CLSTN2: variants seen among roughly 807,000 people sequenced by gnomAD.
CLSTN2 encodes the protein calsyntenin-2.
A neutral mutation model predicts 101.2 loss-of-function variants in CLSTN2; 48 were observed. The observed-to-expected ratio is 0.47, with a 90% CI of 0.38 to 0.60. CLSTN2 has a LOEUF of 0.60. Among genes scored for constraint, CLSTN2 ranks in the 20% least tolerant of loss-of-function variants. The pLI, the probability that CLSTN2 is intolerant of heterozygous loss-of-function variation, is 0.00. For missense variants in CLSTN2, 1,160 were observed against 1,238.2 expected (o/e 0.94, Z 0.95); for synonymous variants, 481 against 463.6 (o/e 1.04, Z -0.48).
At chr3:140,144,345 C>T (rs985601725) in intron 1 of CLSTN2, among the ~76,000 whole-genome samples, 13 of 152,140 alleles carry the variant, frequency 8.5e-5, no homozygotes, top group African/African-American at 2.7e-4. Flanking sequence ...TGGTGGCTTA[C>T]ACCTGTAATC....
chr3:140,175,916 A>G, intron 1 of CLSTN2, 35 bp from the exon 2 acceptor site: 1 of 1,594,888 alleles, frequency 6.3e-7, no homozygotes, highest in Non-Finnish European at 8.6e-7. Context: ...TATTTAAATA[A>G]TGATCCTTTT....
At chr3:140,478,587 T>G (rs1934039223) in intron 8 of CLSTN2, among the ~76,000 whole-genome samples, 1 of 152,110 alleles carries the variant, frequency 6.6e-6, no homozygotes, top group Non-Finnish European at 1.5e-5. Context: ...GGGGTTGAAG[T>G]GGAAATCAAC....
chr3:140,167,202 T>C (rs1028325928), intron 1 of CLSTN2, among the ~76,000 whole-genome samples: 2 of 152,250 alleles, frequency 1.3e-5, no homozygotes, highest in Non-Finnish European at 2.9e-5. Context: ...AGTCCAGCAC[T>C]GTGGCTGGCC....
intron 8 of CLSTN2, among the ~76,000 whole-genome samples, chr3:140,487,361 G>A (rs1178828467): frequency 6.6e-6 from 1 of 152,172 alleles, no homozygotes; most frequent in Non-Finnish European, 1.5e-5. Context: ...TTTCCCTCAA[G>A]AGGTAAACCA....
chr3:140,408,538 A>G (rs1257197689), intron 4 of CLSTN2, among the ~76,000 whole-genome samples: 1 of 152,160 alleles, frequency 6.6e-6, no homozygotes, highest in Non-Finnish European at 1.5e-5. Context: ...GTTTACCATT[A>G]CGGAACTCAG....
chr3:140,373,253 C>A (rs1331025463), intron 2 of CLSTN2, among the ~76,000 whole-genome samples: 1 of 152,176 alleles, frequency 6.6e-6, no homozygotes, highest in East Asian at 1.9e-4. Flanking sequence ...TATTCCAACA[C>A]TGACAATAGG....
chr3:140,465,569 C>T (rs1933676679), intron 7 of CLSTN2, among the ~76,000 whole-genome samples: 1 of 152,150 alleles, frequency 6.6e-6, no homozygotes, highest in East Asian at 1.9e-4. Context: ...AATCAGAGCC[C>T]ATCCTAGAAA....
chr3:140,483,460 T>C (rs535865979), intron 8 of CLSTN2, among the ~76,000 whole-genome samples: 166 of 152,310 alleles, frequency 1.1e-3, no homozygotes, highest in Non-Finnish European at 2.0e-3. Context: ...CTATTAGGTC[T>C]GCTTGGTGCA....
At position 140,570,500 on chromosome 3, in the gene CLSTN2, G is replaced by A. The variant is rs1157311862; in HGVS notation, c.*4247G>A. 1.3e-5 allele frequency: 2 copies of A among 152,108 alleles called. No individual in the cohort carries two copies. Among genetic ancestry groups the A allele is most frequent in the East Asian group, 1.9e-4 (1 of 5,196 alleles). 9.4% of individuals were successfully genotyped at this position (152,108 alleles called of 1,614,324 possible). A position where few individuals can be genotyped will look rare whatever the true frequency, so the allele number is the denominator to read the frequency against. On this transcript the variant is annotated 3_prime_UTR_variant, in exon 17 of 17. Transcript: ENST00000458420. ...TGAACATCTGTGGATTTTGGTGTCC[G>A]AGGGGAGTTCTGGAACCAATCCCCT...
chr3:139,969,878 G>A lies in CLSTN2; in HGVS notation c.109+34395G>A, dbSNP rs572515367. Among the ~76,000 whole-genome samples the A allele has an allele frequency of 6.6e-5, 10 of 152,246 alleles. No homozygotes were observed. The South Asian group carries it at 2.1e-3, about 32-fold the overall frequency. ...CACATCATGGCATTGATTCTCCCCT[G>A]TGACACCCTAGACTGTCCTGGTTCT... On this transcript the variant is annotated intron_variant, in intron 1 of 16. Transcript: ENST00000458420.
rs1985697487 is a variant in CLSTN2 at position 140,575,266 on chromosome 3, C to T, written c.*9013C>T. ...TAGGAGATATTGAGGGAAAATGTGA[C>T]TCATAGTTGGAGAGGAAACAGGAGA... On this transcript the variant is annotated 3_prime_UTR_variant, in exon 17 of 17. Coordinates refer to ENST00000458420, the MANE Select transcript of CLSTN2 (RefSeq NM_022131.3). The T allele has an allele frequency of 6.6e-6, 1 of 152,170 alleles. No homozygotes were observed. Among genetic ancestry groups the T allele is most frequent in the South Asian group, 2.1e-4 (1 of 4,830 alleles). 9.4% of individuals were successfully genotyped at this position (152,170 alleles called of 1,614,324 possible).
chr3:140,282,656 C>A (rs2086859267), intron 2 of CLSTN2, among the ~76,000 whole-genome samples: 1 of 152,062 alleles, frequency 6.6e-6, no homozygotes, highest in Non-Finnish European at 1.5e-5. Context: ...CATGTGTGAT[C>A]TTCTTGGAGG....
intron 8 of CLSTN2, among the ~76,000 whole-genome samples, chr3:140,514,263 A>G (rs1019097467): frequency 1.3e-5 from 2 of 152,080 alleles, no homozygotes; most frequent in African/African-American, 4.8e-5. Flanking sequence ...ACTGTGCCCA[A>G]TATGTACTCT....
intron 2 of CLSTN2, among the ~76,000 whole-genome samples, chr3:140,358,075 A>G (rs2087692432): frequency 6.6e-6 from 1 of 152,064 alleles, no homozygotes; most frequent in Non-Finnish European, 1.5e-5. Flanking sequence ...ATGGCTGGTG[A>G]GTGCTTGCTG....
chr3:140,491,825 A>G (rs1934358974), intron 8 of CLSTN2, among the ~76,000 whole-genome samples: 1 of 152,224 alleles, frequency 6.6e-6, no homozygotes, highest in Non-Finnish European at 1.5e-5. Flanking sequence ...GCTGTCTCAA[A>G]TACTTAAGTA....
chr3:140,561,016 A>C, intron 12 of CLSTN2, among the ~76,000 whole-genome samples: 1 of 151,774 alleles, frequency 6.6e-6, no homozygotes, highest in East Asian at 1.9e-4. Context: ...ACCTAGTGAG[A>C]GCAAATATAT....
intron 2 of CLSTN2, among the ~76,000 whole-genome samples, chr3:140,177,299 C>T (rs2010339468): frequency 1.3e-5 from 2 of 152,176 alleles, no homozygotes; most frequent in African/African-American, 4.8e-5. Context: ...AAACTCCTTG[C>T]AGTCTTTACC....
intron 2 of CLSTN2, among the ~76,000 whole-genome samples, chr3:140,384,801 G>A (rs1213493628): frequency 6.6e-6 from 1 of 152,160 alleles, no homozygotes; most frequent in Non-Finnish European, 1.5e-5. Context: ...GGATTTTCCT[G>A]ACACTTTCTT....
intron 2 of CLSTN2, among the ~76,000 whole-genome samples, chr3:140,242,135 T>C (rs9825167): frequency 0.98 from 149,406 of 152,146 alleles, 73,397 homozygotes; most frequent in East Asian, 1. Flanking sequence ...TGGTCTCGAA[T>C]TCCTGACCTC....
Sources: gnomAD v4.1 joint callset for allele counts (sites outside exome capture counted in the v4.1 genomes callset) on GRCh38, gnomAD v4.1.1 for gene constraint, MANE v1.5 for transcripts, NCBI Gene and HGNC (gene_info 2026-07-23, HGNC 2026-07-21) for gene names.